The following LIMCH1 variants were observed in gnomAD, a reference collection of about 807,000 sequenced individuals.
LIMCH1 encodes the protein LIM and calponin homology domains-containing protein 1.
Under a neutral mutation model 176.5 loss-of-function variants are expected in LIMCH1, and 113 were observed. The ratio of observed to expected loss-of-function variants is 0.64; its 90% CI spans 0.55 to 0.75. The LOEUF (loss-of-function observed/expected upper bound fraction) is 0.75, where lower values mean the gene tolerates loss of function less well. Ranked by LOEUF, LIMCH1 falls within the 30% of genes least tolerant of loss-of-function variation. The probability of loss-of-function intolerance (pLI) is 0.00; values close to 1 mark genes in which losing one functional copy is unlikely to be tolerated. For synonymous variants in LIMCH1, 619 were observed against 645.9 expected (o/e 0.96, Z 0.63); for missense variants, 1,674 against 1,814.9 (o/e 0.92, Z 1.41).
intron 1 of LIMCH1, among the ~76,000 whole-genome samples, chr4:41,379,020 T>A (rs973433690): frequency 1.3e-5 from 2 of 152,120 alleles, no homozygotes; most frequent in African/African-American, 4.8e-5. Flanking sequence ...CTGTTAAAAG[T>A]TTTTTGATGG....
chr4:41,388,196 GCT>G (rs1410624980), intron 1 of LIMCH1, among the ~76,000 whole-genome samples: 1 of 152,208 alleles, frequency 6.6e-6, no homozygotes, highest in Non-Finnish European at 1.5e-5. Context: ...ACAATAACTT[GCT>G]CATGAATGTT....
chr4:41,501,081 G>A (rs1435701254), intron 2 of LIMCH1, among the ~76,000 whole-genome samples: 1 of 152,174 alleles, frequency 6.6e-6, no homozygotes, highest in Non-Finnish European at 1.5e-5. Context: ...TGAGGTCACT[G>A]GGGAGTTCAG....
intron 21 of LIMCH1, among the ~76,000 whole-genome samples, 172 bp downstream of exon 21, chr4:41,666,838 G>A (rs963737170): frequency 6.6e-6 from 1 of 152,120 alleles, no homozygotes; most frequent in Non-Finnish European, 1.5e-5. Context: ...AGCTGGAGCC[G>A]GATTCTCTAT....
At chr4:41,538,555 C>CT (rs60418235) in intron 1 of LIMCH1, among the ~76,000 whole-genome samples, 62,468 of 143,126 alleles carry the variant, frequency 0.44, 15,463 homozygotes, top group African/African-American at 0.7. Flanking sequence ...TTTAATTAAG[C>CT]TTTTTTTTTT....
chr4:41,627,158 A>G (rs765755071), intron 8 of LIMCH1, 148 bp downstream of exon 8: 6 of 1,128,132 alleles, frequency 5.3e-6, no homozygotes, highest in Non-Finnish European at 7.3e-6. Context: ...GTACTTTGTA[A>G]TGGGGGTTTA....
chr4:41,687,342 T>C (rs1721665488), intron 28 of LIMCH1, among the ~76,000 whole-genome samples: 1 of 152,170 alleles, frequency 6.6e-6, no homozygotes, highest in African/African-American at 2.4e-5. Flanking sequence ...CACGTATCCA[T>C]AATGAATTTG....
chr4:41,671,437 CACAA>C (rs977762194), intron 21 of LIMCH1, 113 bp from the exon 22 acceptor site: 2 of 683,524 alleles, frequency 2.9e-6, no homozygotes, highest in African/African-American at 1.9e-5. Context: ...CACACACACA[CACAA>C]AATTGGTTTA....
intron 4 of LIMCH1, among the ~76,000 whole-genome samples, chr4:41,608,575 T>G (rs2091029632): frequency 6.6e-6 from 1 of 152,200 alleles, no homozygotes; most frequent in African/African-American, 2.4e-5. Context: ...TTCACTAGGG[T>G]GCAACTTGTT....
At chr4:41,618,884 C>T (rs2092345474) in intron 5 of LIMCH1, among the ~76,000 whole-genome samples, 1 of 152,120 alleles carries the variant, frequency 6.6e-6, no homozygotes, top group South Asian at 2.1e-4. Context: ...GTAGCAGAAT[C>T]TCAGGAGGCA....
chr4:41,510,796 G>C (rs2074809750), intron 2 of LIMCH1, among the ~76,000 whole-genome samples: 1 of 152,004 alleles, frequency 6.6e-6, no homozygotes, highest in Non-Finnish European at 1.5e-5. Context: ...GCCATGTTGG[G>C]CAGGCTGGTC....
intron 1 of LIMCH1, among the ~76,000 whole-genome samples, chr4:41,435,234 A>G (rs187652221): frequency 3.3e-5 from 5 of 152,342 alleles, no homozygotes; most frequent in African/African-American, 9.6e-5. Flanking sequence ...GGGAGACTGG[A>G]TATCAGAAAC....
intron 2 of LIMCH1, among the ~76,000 whole-genome samples, chr4:41,518,332 A>G (rs1033829187): frequency 3.9e-5 from 6 of 152,182 alleles, no homozygotes; most frequent in Non-Finnish European, 5.9e-5. Context: ...CTGTTGGAAG[A>G]GTCTGTCTGA....
intron 1 of LIMCH1, among the ~76,000 whole-genome samples, chr4:41,463,171 T>TA (rs11326529): frequency 0.046 from 6,841 of 149,094 alleles, 186 homozygotes; most frequent in African/African-American, 0.073. Context: ...AAAAATTCAT[T>TA]AAAAAAAAAA....
At chr4:41,670,807 G>A (rs2094990189) in intron 21 of LIMCH1, 1 of 1,535,556 alleles carries the variant, frequency 6.5e-7, no homozygotes, top group Non-Finnish European at 8.7e-7. Context: ...ACTGCATACT[G>A]GGTAGCTGTA....
At chr4:41,519,268 T>G (rs374831619) in intron 2 of LIMCH1, among the ~76,000 whole-genome samples, 20 of 152,272 alleles carry the variant, frequency 1.3e-4, no homozygotes, top group East Asian at 9.7e-4. Context: ...GGGTCTTCCG[T>G]GCCTTTCTTC....
intron 18 of LIMCH1, among the ~76,000 whole-genome samples, chr4:41,652,349 C>T (rs1056422184): frequency 2.6e-5 from 4 of 152,140 alleles, no homozygotes; most frequent in Admixed American, 6.5e-5. Flanking sequence ...ATCATTTTCT[C>T]ACCATGGTAA....
At chr4:41,439,642 C>T (rs927319046) in intron 1 of LIMCH1, among the ~76,000 whole-genome samples, 8 of 151,722 alleles carry the variant, frequency 5.3e-5, no homozygotes, top group African/African-American at 1.5e-4. Flanking sequence ...CAGTGTGTCA[C>T]GCTTGGAATC....
chr4:41,360,252 G>C (rs1223125776), upstream of LIMCH1, among the ~76,000 whole-genome samples: 1 of 152,024 alleles, frequency 6.6e-6, no homozygotes. The surrounding 1 kb of genome is among the most constrained non-coding windows in gnomAD (Gnocchi z 4.5). Context: ...CGGGCCAGGG[G>C]CTGCCCCGCC....
intron 1 of LIMCH1, among the ~76,000 whole-genome samples, chr4:41,550,779 T>C (rs2080289266): frequency 6.6e-6 from 1 of 152,166 alleles, no homozygotes; most frequent in Non-Finnish European, 1.5e-5. Context: ...GTACTCCTTC[T>C]TATTCTACAA....
Sources: gnomAD v4.1 joint callset for allele counts (sites outside exome capture counted in the v4.1 genomes callset) on GRCh38, gnomAD v4.1.1 for gene constraint, Gnocchi (gnomAD v3.1) non-coding constraint, MANE v1.5 for transcripts, NCBI Gene and HGNC (gene_info 2026-07-23, HGNC 2026-07-21) for gene names.